NSUN4: variants seen among roughly 807,000 people sequenced by gnomAD.
NSUN4 encodes the protein NOP2/Sun RNA methyltransferase 4, also known as 5-cytosine rRNA methyltransferase NSUN4.
NSUN4 carries 31 observed loss-of-function variants against 43.8 expected under a neutral mutation model. The observed-to-expected ratio is 0.71, with a 90% CI of 0.53 to 0.96. The LOEUF (loss-of-function observed/expected upper bound fraction) is 0.96, where lower values mean the gene tolerates loss of function less well. Among genes scored for constraint, NSUN4 ranks in the 40% least tolerant of loss-of-function variants. The pLI, the probability that NSUN4 is intolerant of heterozygous loss-of-function variation, is 0.00. For synonymous variants in NSUN4, 167 were observed against 184.1 expected (o/e 0.91, Z 0.75); for missense variants, 439 against 475.6 (o/e 0.92, Z 0.72).
chr1:46,344,655 A>T, intron 1 of NSUN4, 146 bp from the exon 2 acceptor site: 1 of 685,918 alleles, frequency 1.5e-6, no homozygotes, highest in Non-Finnish European at 2.5e-6. Context: ...TCCCTCTCAC[A>T]CTTCTCTGGC....
At chr1:46,378,813 G>C in the NSUN4 span, among the ~76,000 whole-genome samples, 1 of 152,152 alleles carries the variant, frequency 6.6e-6, no homozygotes, top group African/African-American at 2.4e-5. Context: ...CTGTGTAAGG[G>C]CCTGACCAAG....
At chr1:46,357,373 G>A (rs1663458658) in intron 4 of NSUN4, among the ~76,000 whole-genome samples, 1 of 152,148 alleles carries the variant, frequency 6.6e-6, no homozygotes, top group African/African-American at 2.4e-5. Flanking sequence ...TGTGGAGACG[G>A]GGTTTTGTCA....
At chr1:46,360,182 T>C (rs1474484633) in intron 4 of NSUN4, among the ~76,000 whole-genome samples, 3 of 131,210 alleles carry the variant, frequency 2.3e-5, no homozygotes, top group African/African-American at 9.0e-5. Flanking sequence ...TGAGCCGAGA[T>C]TGCGCCACTG....
chr1:46,355,798 T>G (rs898507075), intron 4 of NSUN4, among the ~76,000 whole-genome samples: 5 of 151,964 alleles, frequency 3.3e-5, no homozygotes, highest in African/African-American at 1.2e-4. Flanking sequence ...GTGGATCACC[T>G]GAGGTCAGGA....
At chr1:46,358,565 C>A (rs1324930909) in intron 4 of NSUN4, among the ~76,000 whole-genome samples, 1 of 151,550 alleles carries the variant, frequency 6.6e-6, no homozygotes, top group East Asian at 2.0e-4. Context: ...CCACACCCAG[C>A]TAATTTTTGT....
rs35804070 is a variant in NSUN4, at chr1:46,364,141, CA to C, written c.*2314del. On this transcript the variant is annotated 3_prime_UTR_variant, in exon 6 of 6. Transcript: ENST00000474844. ...CAATGTAGTGAGACCTGGTCTTTAC[CA>C]AAAAAAAAAAAAAAAAAATTAGCTG... The C allele has an allele frequency of 9.4e-4, 104 of 110,448 alleles. No homozygotes were observed. The highest frequency in any genetic ancestry group is 1.2e-3 in the South Asian group (4 of 3,306). 6.8% of individuals were successfully genotyped at this position (110,448 alleles called of 1,614,324 possible).
At chr1:46,373,311 C>T in the NSUN4 span, among the ~76,000 whole-genome samples, 2 of 152,234 alleles carry the variant, frequency 1.3e-5, no homozygotes, top group African/African-American at 4.8e-5. Context: ...TTCAAAGCTG[C>T]TTCCGCATTT....
the NSUN4 span, among the ~76,000 whole-genome samples, chr1:46,375,325 C>T: frequency 6.6e-6 from 1 of 151,750 alleles, no homozygotes; most frequent in African/African-American, 2.4e-5. Context: ...ATCCCAGCTA[C>T]TCGGGAAGCT....
the NSUN4 span, among the ~76,000 whole-genome samples, chr1:46,381,493 G>A: frequency 5.3e-5 from 8 of 152,008 alleles, no homozygotes; most frequent in Non-Finnish European, 7.4e-5. Flanking sequence ...TTTAATATGC[G>A]CCCAGGGAGC....
At chr1:46,373,547 C>T in the NSUN4 span, among the ~76,000 whole-genome samples, 1 of 152,182 alleles carries the variant, frequency 6.6e-6, no homozygotes, top group African/African-American at 2.4e-5. Context: ...TGGTACAGGA[C>T]ATCAAATGGC....
At chr1:46,343,527 G>T in intron 1 of NSUN4, 1 of 399,906 alleles carries the variant, frequency 2.5e-6, no homozygotes, top group South Asian at 1.3e-4. Flanking sequence ...CCAGAGTAGT[G>T]ACAGCGAGAG....
intron 3 of NSUN4, among the ~76,000 whole-genome samples, chr1:46,349,581 G>A (rs191204073): frequency 3.2e-4 from 48 of 152,286 alleles, no homozygotes; most frequent in Non-Finnish European, 2.9e-4. Flanking sequence ...TTCTCTTGCC[G>A]TGTGCCCAAG....
Position 46,363,449 on chromosome 1 carries a change from T to C in NSUN4, c.*1603T>C, listed in dbSNP as rs1664001056. The stretch of plus-strand genomic sequence containing the variant: ...CTAGTGCTAATTGAATGCTAAGCAG[T>C]GGTAATTCAAAATGAGAGGGTCCCC... On this transcript the variant is annotated 3_prime_UTR_variant, in exon 6 of 6. Coordinates refer to ENST00000474844, the MANE Select transcript of NSUN4 (RefSeq NM_199044.4). 6.6e-6 allele frequency: 1 copy of C among 152,116 alleles called. No individual in the cohort carries two copies. The highest frequency in any genetic ancestry group is 6.6e-5 in the Admixed American group (1 of 15,266). The allele number at this position is 152,116 out of a possible 1,614,324, so 9.4% of individuals were successfully genotyped here. A position where few individuals can be genotyped will look rare whatever the true frequency, so the allele number is the denominator to read the frequency against.
chr1:46,341,260 C>T, intron 1 of NSUN4: 1 of 1,023,544 alleles, frequency 9.8e-7, no homozygotes. Flanking sequence ...CCTCCCTCCC[C>T]TCCCCCTTTC....
At chr1:46,343,865 G>C in intron 1 of NSUN4, 2 of 400,434 alleles carry the variant, frequency 5.0e-6, no homozygotes, top group Non-Finnish European at 8.8e-6. Context: ...CAGAGCAAGA[G>C]TCCCCAACAT....
chr1:46,366,091 G>A (rs1309145066), downstream of NSUN4, among the ~76,000 whole-genome samples: 1 of 152,162 alleles, frequency 6.6e-6, no homozygotes, highest in Non-Finnish European at 1.5e-5. Flanking sequence ...TTGCACCACT[G>A]TACTCCAGCC....
At chr1:46,374,496 C>T in the NSUN4 span, among the ~76,000 whole-genome samples, 2 of 151,832 alleles carry the variant, frequency 1.3e-5, no homozygotes, top group Admixed American at 1.3e-4. Context: ...GTAATCCCAG[C>T]TACTTAGGAG....
At chr1:46,379,322 A>G in the NSUN4 span, among the ~76,000 whole-genome samples, 691 of 152,136 alleles carry the variant, frequency 4.5e-3, 28 homozygotes, top group East Asian at 0.11. Context: ...GCTATACCAA[A>G]ATACTTGAGA....
chr1:46,377,552 G>A, the NSUN4 span, among the ~76,000 whole-genome samples: 1,669 of 152,286 alleles, frequency 0.011, 35 homozygotes, highest in African/African-American at 0.038. Context: ...CATCAACTTG[G>A]ATAGAAGAGC....
Sources: gnomAD v4.1 joint callset for allele counts (sites outside exome capture counted in the v4.1 genomes callset) on GRCh38, gnomAD v4.1.1 for gene constraint, MANE v1.5 for transcripts, NCBI Gene and HGNC (gene_info 2026-07-23, HGNC 2026-07-21) for gene names.